PDE4D: variants seen among roughly 807,000 people sequenced by gnomAD.
PDE4D encodes 3',5'-cyclic-AMP phosphodiesterase 4D.
A neutral mutation model predicts 87.4 loss-of-function variants in PDE4D; 24 were observed. That is an observed-to-expected ratio of 0.27 (90% CI 0.20 to 0.39). The LOEUF (loss-of-function observed/expected upper bound fraction) is 0.39, where lower values mean the gene tolerates loss of function less well. Among genes scored for constraint, PDE4D ranks in the 10% least tolerant of loss-of-function variants. The pLI is 1.00. For missense variants in PDE4D, 714 were observed against 1,041.0 expected, an observed-to-expected ratio of 0.69 and a Z score of 4.32; for synonymous variants, 384 against 383.2, an observed-to-expected ratio of 1.00 and a Z score of -0.02.
At chr5:59,895,397 C>A (rs893653718), upstream of PDE4D, among the ~76,000 whole-genome samples, 5 of 152,170 alleles carry the variant, frequency 3.3e-5, no homozygotes, top group Admixed American at 2.0e-4. Context: ...GTGGACTATA[C>A]ACAAAATCTG....
At chr5:60,319,437 C>T (rs904239261) in intron 1 of PDE4D, among the ~76,000 whole-genome samples, 6 of 152,164 alleles carry the variant, frequency 3.9e-5, no homozygotes, top group Non-Finnish European at 8.8e-5. Flanking sequence ...CGAACTTCCT[C>T]CTTTAGCTCA....
intron 1 of PDE4D, among the ~76,000 whole-genome samples, chr5:59,577,275 G>T (rs1823326972): frequency 1.3e-5 from 2 of 152,072 alleles, no homozygotes; most frequent in South Asian, 4.1e-4. Context: ...GAAAAAGGCT[G>T]CCATTTAAAG....
chr5:60,201,769 G>A (rs915291139), intron 1 of PDE4D, among the ~76,000 whole-genome samples: 3 of 152,090 alleles, frequency 2.0e-5, no homozygotes, highest in Non-Finnish European at 4.4e-5. Context: ...TATTAACAAA[G>A]GAGTAATTTC....
At chr5:59,654,745 C>G (rs899620852) in intron 1 of PDE4D, among the ~76,000 whole-genome samples, 1 of 152,048 alleles carries the variant, frequency 6.6e-6, no homozygotes, top group Non-Finnish European at 1.5e-5. Flanking sequence ...CCCCATACCC[C>G]CTCCAACCCT....
In PDE4D at chr5:59,353,537, C is replaced by T. The variant is rs183859078; in HGVS notation, c.456-137569G>A. Among the ~76,000 whole-genome samples the T allele has an allele frequency of 7.4e-4, 113 of 152,230 alleles. 1 individual carries two copies. Among genetic ancestry groups the T allele is most frequent in the African/African-American group, 2.5e-3 (104 of 41,530 alleles). On this transcript the variant is annotated intron_variant, in intron 1 of 14. Coordinates refer to ENST00000340635, the MANE Select transcript of PDE4D (RefSeq NM_001104631.2). Reference sequence around the variant, plus strand: ...AGAACCTAGGCAGATAAATCAGCACCTTGCCCTCAAAATTAGTACTCATCT... The same window carrying T: ...AGAACCTAGGCAGATAAATCAGCACTTTGCCCTCAAAATTAGTACTCATCT...
chr5:59,834,259 C>G (rs1300134912), intron 1 of PDE4D, among the ~76,000 whole-genome samples: 2 of 152,002 alleles, frequency 1.3e-5, no homozygotes, highest in African/African-American at 4.8e-5. Context: ...TTATCCACAG[C>G]TAATGCCATG....
chr5:59,062,011 G>A (rs1024761721), intron 5 of PDE4D, among the ~76,000 whole-genome samples: 7 of 152,064 alleles, frequency 4.6e-5, no homozygotes, highest in Admixed American at 4.6e-4. Context: ...ACTAAAGGCA[G>A]CATCACCAGC....
At chr5:59,872,163 G>A (rs1016347384) in intron 1 of PDE4D, among the ~76,000 whole-genome samples, 5 of 151,914 alleles carry the variant, frequency 3.3e-5, no homozygotes, top group Non-Finnish European at 7.4e-5. Context: ...TAACAGACAT[G>A]CCTAGGAAAT....
At chr5:60,519,968 T>G (rs1235898115) in intron 1 of PDE4D, among the ~76,000 whole-genome samples, 1 of 152,240 alleles carries the variant, frequency 6.6e-6, no homozygotes, top group Non-Finnish European at 1.5e-5. Flanking sequence ...ACCCAGAGAT[T>G]CAAAACCAAT....
At chr5:59,342,171 G>GCATTCT in intron 1 of PDE4D, among the ~76,000 whole-genome samples, 1 of 152,266 alleles carries the variant, frequency 6.6e-6, no homozygotes, top group Non-Finnish European at 1.5e-5. Flanking sequence ...GTCCTTAAAA[G>GCATTCT]CAATTCTCAA....
intron 1 of PDE4D, among the ~76,000 whole-genome samples, chr5:59,820,321 G>A (rs758969094): frequency 6.6e-6 from 1 of 152,192 alleles, no homozygotes; most frequent in Admixed American, 6.5e-5. Context: ...TGCAAGGTGC[G>A]TGAACACACT....
At chr5:60,494,465 G>A (rs958711447) in intron 1 of PDE4D, among the ~76,000 whole-genome samples, 1 of 152,166 alleles carries the variant, frequency 6.6e-6, no homozygotes, top group Admixed American at 6.5e-5. Flanking sequence ...GAAAATGATG[G>A]AAGGGGCTGG....
At chr5:60,478,416 T>A (rs1180891767) in intron 1 of PDE4D, among the ~76,000 whole-genome samples, 3 of 152,176 alleles carry the variant, frequency 2.0e-5, no homozygotes, top group African/African-American at 7.2e-5. Flanking sequence ...GTTCACTTCA[T>A]CCTTCAGTAA....
chr5:60,478,339 A>ACTT (rs1748478902), intron 1 of PDE4D, among the ~76,000 whole-genome samples: 1 of 152,156 alleles, frequency 6.6e-6, no homozygotes. Context: ...AGTATAAATA[A>ACTT]CTTACACTGA....
In PDE4D at chr5:59,065,973, G is replaced by A. The variant is rs548205768; in HGVS notation, c.809-27002C>T. ...GATCCAAGTAGATGGAGTTTCAAAG[G>A]TGGTCCCCATAAAAGCATTTTTACC... is the stretch of plus-strand genomic sequence containing the variant. On this transcript the variant is annotated intron_variant, in intron 5 of 14. Transcript: ENST00000340635. Among the ~76,000 whole-genome samples, 6 of 152,146 alleles carry A rather than the reference G, an allele frequency of 3.9e-5. No homozygotes were observed. The South Asian group carries it at 6.2e-4, about 16-fold the overall frequency.
At chr5:60,147,593 A>C (rs1781122730) in intron 2 of PDE4D, among the ~76,000 whole-genome samples, 1 of 152,236 alleles carries the variant, frequency 6.6e-6, no homozygotes, top group African/African-American at 2.4e-5. Context: ...TAGCATCTTA[A>C]AGCAACAAAT....
intron 1 of PDE4D, among the ~76,000 whole-genome samples, chr5:59,576,844 A>T (rs887076558): frequency 6.6e-6 from 1 of 152,156 alleles, no homozygotes; most frequent in Non-Finnish European, 1.5e-5. Context: ...TTTTCCCACA[A>T]ATATTTTCTT....
At chr5:59,179,844 T>C (rs1454959909) in intron 5 of PDE4D, among the ~76,000 whole-genome samples, 1 of 152,322 alleles carries the variant, frequency 6.6e-6, no homozygotes, top group East Asian at 1.9e-4. Context: ...AATGAATCAA[T>C]TGGGGTTTCA....
chr5:60,236,934 A>C (rs1346469930), intron 1 of PDE4D, among the ~76,000 whole-genome samples: 2 of 151,978 alleles, frequency 1.3e-5, no homozygotes, highest in African/African-American at 4.8e-5. Flanking sequence ...GTAAAATCGT[A>C]AGTTTATGTT....
Sources: allele counts gnomAD v4.1 joint callset (sites outside exome capture counted in the v4.1 genomes callset), GRCh38; gene constraint gnomAD v4.1.1; transcripts MANE v1.5; gene names NCBI Gene and HGNC (gene_info 2026-07-23, HGNC 2026-07-21).